The following MPP4 variants were observed in gnomAD, a reference collection of about 807,000 sequenced individuals.
MPP4 encodes the protein MAGUK p55 subfamily member 4.
MPP4 carries 91 observed loss-of-function variants against 98.3 expected under a neutral mutation model. The ratio of observed to expected loss-of-function variants is 0.93; its 90% CI spans 0.78 to 1.10. The LOEUF (loss-of-function observed/expected upper bound fraction) is 1.10. Among genes scored for constraint, MPP4 ranks in the 50% least tolerant of loss-of-function variants. MPP4 has a pLI of 0.00. For synonymous variants in MPP4, 261 were observed against 271.8 expected (o/e 0.96, Z 0.39); for missense variants, 744 against 792.9 (o/e 0.94, Z 0.74).
At position 201,659,087 on chromosome 2, in the gene MPP4, A is replaced by G. The variant is rs527438683; in HGVS notation, c.1088-569T>C. ...ATTTTTGTATTTTTAGTAGAGATGGAGTTTCACCATGTTGGTCAGGCTGGT... is the reference window on the plus strand; with the variant it reads ...ATTTTTGTATTTTTAGTAGAGATGGGGTTTCACCATGTTGGTCAGGCTGGT... On this transcript the variant is annotated intron_variant, in intron 15 of 21. Coordinates refer to ENST00000409474, the MANE Select transcript of MPP4 (RefSeq NM_033066.3). 7.2e-5 allele frequency among the ~76,000 whole-genome samples: 11 copies of G among 151,942 alleles called. No homozygotes were observed. The East Asian group carries it at 2.0e-3, about 27-fold the overall frequency.
intron 11 of MPP4, among the ~76,000 whole-genome samples, chr2:201,670,976 A>G (rs904648360): frequency 1.7e-4 from 26 of 152,214 alleles, no homozygotes; most frequent in Non-Finnish European, 1.9e-4. Context: ...TCCCTCCCCT[A>G]GCCAAGGAAA....
chr2:201,645,195 A>G lies in MPP4; in HGVS notation c.*15T>C, dbSNP rs1035587634. On this transcript the variant is annotated 3_prime_UTR_variant, in exon 22 of 22. Transcript: ENST00000409474. Reference sequence around the variant, plus strand: ...AAGGGTACAGTGTTAAAACTCCAGCATTAAACAAGAAGTCTCATTGAGACT... The same window carrying G: ...AAGGGTACAGTGTTAAAACTCCAGCGTTAAACAAGAAGTCTCATTGAGACT... 6.2e-7 allele frequency: 1 copy of G among 1,603,016 alleles called. No individual in the cohort carries two copies. The highest frequency in any genetic ancestry group is 2.2e-5 in the East Asian group (1 of 44,744).
At position 201,649,641 on chromosome 2, in the gene MPP4, T is replaced by C; in HGVS notation, c.1519A>G (p.Ser507Gly). 1 of 1,611,182 alleles carries C rather than the reference T, an allele frequency of 6.2e-7. No individual in the cohort carries two copies. ...AGGACTGTTTGAACAGCATCCACAC[T>C]AGTGCCATACAGGTGGCCTTTGTAC... ...GEYKGHLYGT[S>G]VDAVQTVLVE... Residue 507 changes from serine (S) to glycine (G), a missense_variant, in exon 20 of 22, where the codon AGT (serine) becomes GGT (glycine). By Grantham distance (56) the Ser-to-Gly change is moderately conservative. Transcript: ENST00000409474.
At chr2:201,656,050 A>G in intron 17 of MPP4, 148 bp downstream of exon 17, 1 of 854,114 alleles carries the variant, frequency 1.2e-6, no homozygotes, top group Non-Finnish European at 1.7e-6. Context: ...ATAAACACAC[A>G]TGTACAATGG....
In MPP4 at chr2:201,661,484, T is replaced by C. The variant is rs1450116045; in HGVS notation, c.1073-1138A>G. ...CTCAGAGAGCTGGGTTCAGAACGTA[T>C]CGATGCTTGAGAGTTCTCACTTTTC... On this transcript the variant is annotated intron_variant, in intron 14 of 21. Transcript: ENST00000409474. 3 of 456,434 alleles carry C rather than the reference T, an allele frequency of 6.6e-6. No individual in the cohort carries two copies. In the Admixed American group the frequency reaches 7.1e-5, roughly 11 times the overall value. 28.3% of individuals were successfully genotyped at this position (456,434 alleles called of 1,614,324 possible).
chr2:201,655,662 T>G (rs952214003), intron 17 of MPP4, among the ~76,000 whole-genome samples: 1 of 152,134 alleles, frequency 6.6e-6, no homozygotes, highest in African/African-American at 2.4e-5. Flanking sequence ...GGGACCAACT[T>G]TGCAAAAGTC....
chr2:201,679,129 C>T (rs1261931304), intron 10 of MPP4, among the ~76,000 whole-genome samples: 1 of 152,074 alleles, frequency 6.6e-6, no homozygotes, highest in East Asian at 1.9e-4. Context: ...TAAAGACCTG[C>T]AATCCATTGA....
intron 3 of MPP4, among the ~76,000 whole-genome samples, chr2:201,690,678 G>A (rs920916004): frequency 2.0e-5 from 3 of 152,188 alleles, no homozygotes; most frequent in African/African-American, 7.2e-5. Context: ...GAGGACCCCT[G>A]TGTTGGGCGC....
At chr2:201,652,976 C>T (rs1687757482) in intron 18 of MPP4, among the ~76,000 whole-genome samples, 1 of 152,232 alleles carries the variant, frequency 6.6e-6, no homozygotes, top group Non-Finnish European at 1.5e-5. Flanking sequence ...CAAACCCTAT[C>T]TCACCAACAC....
At chr2:201,645,533 A>G in intron 21 of MPP4, 129 bp from the exon 22 acceptor site, 1 of 636,236 alleles carries the variant, frequency 1.6e-6, no homozygotes. Flanking sequence ...AAAATTTTGC[A>G]CAGATGATTT....
intron 14 of MPP4, chr2:201,661,649 C>T (rs993790116): frequency 2.2e-6 from 1 of 454,550 alleles, no homozygotes; most frequent in African/African-American, 2.0e-5. Context: ...TGTAGCACTT[C>T]CTGTGTACCA....
At chr2:201,675,615 G>A (rs9646756) in intron 10 of MPP4, among the ~76,000 whole-genome samples, 1 of 151,952 alleles carries the variant, frequency 6.6e-6, no homozygotes. Context: ...AGTCTCCTTC[G>A]AATTCTCATG....
chr2:201,666,195 T>G (rs1688169714), intron 13 of MPP4, 139 bp downstream of exon 13: 1 of 587,666 alleles, frequency 1.7e-6, no homozygotes, highest in East Asian at 3.4e-5. Flanking sequence ...CTACAGAAGA[T>G]AGATGGGGGT....
chr2:201,693,942 C>G lies in MPP4; in HGVS notation c.13G>C (p.Asp5His). Residue 5 changes from aspartate (D) to histidine (H), a missense_variant, in exon 2 of 22, where the codon GAC (aspartate) becomes CAC (histidine). Coordinates refer to ENST00000409474, the MANE Select transcript of MPP4 (RefSeq NM_033066.3). Reference sequence around the variant, plus strand: ...TTGTCTGGTGGATCTGCTCCTTTGTCTGACTGTATCATCCTCCCTGCCGGA... The same window carrying G: ...TTGTCTGGTGGATCTGCTCCTTTGTGTGACTGTATCATCCTCCCTGCCGGA... The part of the protein sequence containing the change: MIQS[D>H]KGADPPDKKD... 1 of 1,613,990 alleles carries G rather than the reference C, an allele frequency of 6.2e-7. No individual in the cohort carries two copies. The highest frequency in any genetic ancestry group is 8.5e-7 in the Non-Finnish European group (1 of 1,179,864).
intron 15 of MPP4, 134 bp from the exon 16 acceptor site, chr2:201,658,652 T>G: frequency 3.0e-6 from 2 of 675,296 alleles, no homozygotes; most frequent in Non-Finnish European, 5.0e-6. Flanking sequence ...TATCCTTGAG[T>G]GGCTCACCGA....
rs72922801 is a variant in MPP4, at chr2:201,687,253, C to G, written c.360+38G>C. ...CTCCTTCCCAACTTTGTCTATGTGCCAGATGGGGACATCTTTTCTATTTTA... is the reference window on the plus strand; with the variant it reads ...CTCCTTCCCAACTTTGTCTATGTGCGAGATGGGGACATCTTTTCTATTTTA... On this transcript the variant is annotated intron_variant, in intron 5 of 21. Coordinates refer to ENST00000409474, the MANE Select transcript of MPP4 (RefSeq NM_033066.3). 1.1e-3 allele frequency: 1,604 copies of G among 1,502,310 alleles called. 11 individuals carry two copies. The Middle Eastern group carries it at 0.015, about 14-fold the overall frequency. The allele number at this position is 1,502,310 out of a possible 1,614,324, so 93.1% of individuals were successfully genotyped here.
intron 7 of MPP4, among the ~76,000 whole-genome samples, chr2:201,684,128 AG>A (rs2105941550): frequency 1.3e-5 from 2 of 151,890 alleles, no homozygotes; most frequent in South Asian, 4.2e-4. Flanking sequence ...CTGAGGTGGA[AG>A]GATTGCTTGA....
chr2:201,696,666 G>A (rs530079856), intron 1 of MPP4, among the ~76,000 whole-genome samples: 1 of 152,306 alleles, frequency 6.6e-6, no homozygotes, highest in East Asian at 1.9e-4. Flanking sequence ...TGAATTTATT[G>A]TGAGGGAGCT....
At chr2:201,684,678 G>A (rs966991153) in intron 7 of MPP4, among the ~76,000 whole-genome samples, 1 of 152,148 alleles carries the variant, frequency 6.6e-6, no homozygotes, top group Non-Finnish European at 1.5e-5. Flanking sequence ...CAGGACGGGT[G>A]TGTGGCTCAC....
Sources: gnomAD v4.1 joint callset for allele counts (sites outside exome capture counted in the v4.1 genomes callset) on GRCh38, gnomAD v4.1.1 for gene constraint, MANE v1.5 for transcripts, NCBI Gene and HGNC (gene_info 2026-07-23, HGNC 2026-07-21) for gene names.